The following SEMA6D variants were observed in gnomAD, a reference collection of about 807,000 sequenced individuals.
SEMA6D encodes semaphorin 6D.
A neutral mutation model predicts 106.6 loss-of-function variants in SEMA6D; 35 were observed. The observed-to-expected ratio is 0.33, with a 90% CI of 0.25 to 0.44. The LOEUF is 0.44. Ranked by LOEUF, SEMA6D falls within the 20% of genes least tolerant of loss-of-function variation. The pLI is 1.00. For synonymous variants in SEMA6D, 499 were observed against 487.7 expected (o/e 1.02, Z -0.31); for missense variants, 1,185 against 1,345.9 (o/e 0.88, Z 1.87).
chr15:47,653,574 C>G (rs923585611), intron 4 of SEMA6D, among the ~76,000 whole-genome samples: 6 of 152,212 alleles, frequency 3.9e-5, no homozygotes, highest in Non-Finnish European at 8.8e-5. Context: ...CTAGGAGCCA[C>G]TTAGAGACCC....
chr15:47,187,677 A>G (rs1481409199), intron 1 of SEMA6D, among the ~76,000 whole-genome samples: 2 of 152,122 alleles, frequency 1.3e-5, no homozygotes, highest in Admixed American at 6.5e-5. Flanking sequence ...TTCTTCTTCA[A>G]AATTAATTGC....
Position 47,773,448 on chromosome 15 carries a change from T to C in SEMA6D, c.*1663T>C, listed in dbSNP as rs889868677. 1 of 152,594 alleles carries C rather than the reference T, an allele frequency of 6.6e-6. No homozygotes were observed. Among genetic ancestry groups the C allele is most frequent in the Non-Finnish European group, 1.5e-5 (1 of 68,044 alleles). 9.5% of individuals were successfully genotyped at this position (152,594 alleles called of 1,614,324 possible). On this transcript the variant is annotated 3_prime_UTR_variant, in exon 19 of 19. Coordinates refer to ENST00000536845, the MANE Select transcript of SEMA6D (RefSeq NM_001358351.3). ...ACCCTGCTGACTGTTTCAGTTAATA[T>C]GCTGCACACCACACACTTGTTTAGT...
At chr15:47,407,391 AAACAACAACAACAACAAC>A in intron 1 of SEMA6D, among the ~76,000 whole-genome samples, 1 of 139,958 alleles carries the variant, frequency 7.1e-6, no homozygotes. Flanking sequence ...AAAAAAACCA[AAACAACAACAACAACAAC>A]AAAAAAAACA....
chr15:47,232,944 A>G (rs1166947214), intron 1 of SEMA6D, among the ~76,000 whole-genome samples: 1 of 151,990 alleles, frequency 6.6e-6, no homozygotes, highest in Non-Finnish European at 1.5e-5. Context: ...ATTAATTACT[A>G]TGAAGTTAAA....
chr15:47,659,869 A>G (rs2077881688), intron 4 of SEMA6D, among the ~76,000 whole-genome samples: 1 of 152,172 alleles, frequency 6.6e-6, no homozygotes. Flanking sequence ...AAGTTTGATT[A>G]TACATATTGG....
intron 4 of SEMA6D, among the ~76,000 whole-genome samples, chr15:47,646,168 C>A (rs79518089): frequency 0.017 from 2,643 of 152,206 alleles, 74 homozygotes; most frequent in African/African-American, 0.061. Context: ...TCTAACCTTG[C>A]CTCAGTCTTT....
chr15:47,772,244 C>T lies in SEMA6D; in HGVS notation c.*459C>T, dbSNP rs1001477326. On this transcript the variant is annotated 3_prime_UTR_variant, in exon 19 of 19. Transcript: ENST00000536845. ...GATGGTAATATCTCAAAGAAATGAA[C>T]TTGTAGATTACCAAGCAGTTTGCTA... The T allele has an allele frequency of 6.4e-6, 1 of 156,756 alleles. No individual in the cohort carries two copies. Among genetic ancestry groups the T allele is most frequent in the Non-Finnish European group, 1.4e-5 (1 of 70,654 alleles). The allele number at this position is 156,756 out of a possible 1,614,324, so 9.7% of individuals were successfully genotyped here.
At chr15:47,607,564 GAGA>G (rs1456321004) in intron 4 of SEMA6D, among the ~76,000 whole-genome samples, 2 of 152,216 alleles carry the variant, frequency 1.3e-5, no homozygotes, top group Non-Finnish European at 2.9e-5. Context: ...CAGACAGTTT[GAGA>G]AGGAGAGCAT....
chr15:47,668,504 C>T (rs1484418884), intron 4 of SEMA6D, among the ~76,000 whole-genome samples: 1 of 152,140 alleles, frequency 6.6e-6, no homozygotes, highest in African/African-American at 2.4e-5. Context: ...TCAGAAATTA[C>T]AAAATCAATG....
At chr15:47,489,817 G>A (rs1205333386) in intron 3 of SEMA6D, among the ~76,000 whole-genome samples, 1 of 151,860 alleles carries the variant, frequency 6.6e-6, no homozygotes, top group East Asian at 1.9e-4. Context: ...ACTCCCAGCT[G>A]ATTTTTGTAT....
At chr15:47,518,275 A>G (rs973910897) in intron 3 of SEMA6D, among the ~76,000 whole-genome samples, 1 of 152,224 alleles carries the variant, frequency 6.6e-6, no homozygotes, top group Non-Finnish European at 1.5e-5. Flanking sequence ...TATTTAAGCT[A>G]GAGAAACACT....
At chr15:47,693,653 G>A (rs1013380032) in intron 4 of SEMA6D, among the ~76,000 whole-genome samples, 1 of 152,028 alleles carries the variant, frequency 6.6e-6, no homozygotes, top group Non-Finnish European at 1.5e-5. Flanking sequence ...AATTTCTGTG[G>A]GCCAGATGCC....
chr15:47,617,314 C>G (rs144738465), intron 4 of SEMA6D, among the ~76,000 whole-genome samples: 350 of 152,218 alleles, frequency 2.3e-3, no homozygotes, highest in African/African-American at 8.2e-3. Context: ...GATAACAGGC[C>G]AATGAAAATT....
At chr15:47,300,534 A>G (rs999791766) in intron 1 of SEMA6D, among the ~76,000 whole-genome samples, 3 of 152,188 alleles carry the variant, frequency 2.0e-5, no homozygotes, top group Non-Finnish European at 2.9e-5. Context: ...CTTATGTCCT[A>G]CAATCCTTTT....
intron 1 of SEMA6D, among the ~76,000 whole-genome samples, chr15:47,192,803 G>A (rs1160991779): frequency 6.6e-6 from 1 of 152,154 alleles, no homozygotes; most frequent in East Asian, 1.9e-4. Flanking sequence ...GAGACAACTT[G>A]ATGGGAAGAT....
intron 3 of SEMA6D, among the ~76,000 whole-genome samples, chr15:47,561,484 G>T (rs1238471491): frequency 1.3e-5 from 2 of 151,600 alleles, no homozygotes; most frequent in East Asian, 3.9e-4. Context: ...AAATATTAAA[G>T]GAAGTCATTC....
chr15:47,659,283 T>C (rs1011128384), intron 4 of SEMA6D, among the ~76,000 whole-genome samples: 1 of 151,956 alleles, frequency 6.6e-6, no homozygotes, highest in Admixed American at 6.5e-5. Context: ...TAGAGTCTGG[T>C]AATAGATCCA....
At chr15:47,365,172 G>C (rs2038966718) in intron 1 of SEMA6D, among the ~76,000 whole-genome samples, 1 of 152,196 alleles carries the variant, frequency 6.6e-6, no homozygotes, top group African/African-American at 2.4e-5. Flanking sequence ...GAGACGACCT[G>C]CTGATCATCA....
intron 4 of SEMA6D, among the ~76,000 whole-genome samples, chr15:47,640,589 G>A (rs2077470796): frequency 6.6e-6 from 1 of 152,116 alleles, no homozygotes; most frequent in Non-Finnish European, 1.5e-5. Context: ...AAAAAGAAAG[G>A]TGCTTATTAA....
Sources: allele counts gnomAD v4.1 joint callset (sites outside exome capture counted in the v4.1 genomes callset), GRCh38; gene constraint gnomAD v4.1.1; transcripts MANE v1.5; gene names NCBI Gene and HGNC (gene_info 2026-07-23, HGNC 2026-07-21).